Variants in PTGES3L observed in about 807,000 individuals in gnomAD.
PTGES3L encodes the protein putative protein PTGES3L.
In PTGES3L, 17 loss-of-function variants were observed where a neutral mutation model predicts 25.0. The ratio of observed to expected loss-of-function variants is 0.68; its 90% confidence interval spans 0.47 to 1.02. The LOEUF (loss-of-function observed/expected upper bound fraction) is 1.02, where lower values mean the gene tolerates loss of function less well. PTGES3L is among the 50% of genes least tolerant of loss of function. The pLI is 0.00. For missense variants in PTGES3L, 202 were observed against 197.5 expected (o/e 1.02, Z -0.14); for synonymous variants, 59 against 65.7 (o/e 0.90, Z 0.50).
In PTGES3L at chr17:42,979,464, G is replaced by C; in HGVS notation, c.123-20C>G. Reference sequence around the variant, plus strand: ...TTGCAGCTGAGGAGACAATGAAGCTGAGGAGATGCGGAATACTCCGTGTGG... The same window carrying C: ...TTGCAGCTGAGGAGACAATGAAGCTCAGGAGATGCGGAATACTCCGTGTGG... On this transcript the variant is annotated intron_variant, in intron 2 of 6. Coordinates refer to ENST00000591916, the MANE Select transcript of PTGES3L (RefSeq NM_001261430.2). The C allele has an allele frequency of 1.2e-6, 2 of 1,614,174 alleles. No individual in the cohort carries two copies. The highest frequency in any genetic ancestry group is 8.5e-7 in the Non-Finnish European group (1 of 1,180,028).
chr17:42,970,674 G>A (rs1252724438), intron 5 of PTGES3L, among the ~76,000 whole-genome samples: 5 of 105,606 alleles, frequency 4.7e-5, no homozygotes, highest in African/African-American at 1.6e-4. Context: ...GGCTTAACAC[G>A]CGCACACACA....
At chr17:42,977,966 T>C (rs1414911362) in intron 4 of PTGES3L, among the ~76,000 whole-genome samples, 1 of 151,448 alleles carries the variant, frequency 6.6e-6, no homozygotes, top group Non-Finnish European at 1.5e-5. Flanking sequence ...TAATCACAGC[T>C]ACTCGGGAGA....
intron 6 of PTGES3L, among the ~76,000 whole-genome samples, 169 bp downstream of exon 6, chr17:42,970,120 C>T (rs757808261): frequency 4.6e-5 from 7 of 152,040 alleles, no homozygotes; most frequent in Non-Finnish European, 8.8e-5. Context: ...GAGTGAAACT[C>T]CTCCCCCACC....
chr17:42,969,180 A>G lies in PTGES3L; in HGVS notation c.439T>C (p.Ser147Pro). 1 of 1,214,534 alleles carries G rather than the reference A, an allele frequency of 8.2e-7. No individual in the cohort carries two copies. Among genetic ancestry groups the G allele is most frequent in the East Asian group, 3.2e-5 (1 of 31,044 alleles). 75.2% of individuals were successfully genotyped at this position (1,214,534 alleles called of 1,614,324 possible). ...CTTGTTGCATCATCAGCACTGTCAG[A>G]ATCATCCTGGGGGCGGGGGGGAAAA... is the stretch of plus-strand genomic sequence containing the variant. ...PPAMDDLDDD[S>P]DSADDATSN The change falls in exon 7 of 7, where the codon TCT (serine) becomes CCT (proline). Residue 147 changes from serine to proline, a missense_variant. Transcript: ENST00000591916.
At chr17:42,978,726 C>T (rs756842390) in intron 4 of PTGES3L, among the ~76,000 whole-genome samples, 32 of 152,048 alleles carry the variant, frequency 2.1e-4, no homozygotes, top group Non-Finnish European at 3.5e-4. Context: ...ATAAGCCAGG[C>T]GCGGTGGCTC....
At chr17:42,978,130 G>A in intron 4 of PTGES3L, among the ~76,000 whole-genome samples, 1 of 148,000 alleles carries the variant, frequency 6.8e-6, no homozygotes, top group East Asian at 2.0e-4. Context: ...GAAATGGCTG[G>A]GCACATTGGC....
chr17:42,979,178 C>A lies in PTGES3L; in HGVS notation c.280G>T (p.Asp94Tyr), dbSNP rs373872399. 6.2e-7 allele frequency: 1 copy of A among 1,614,122 alleles called. No homozygotes were observed. Among genetic ancestry groups the A allele is most frequent in the Non-Finnish European group, 8.5e-7 (1 of 1,180,018 alleles). Residue 94 changes from aspartate to tyrosine, a missense_variant, in exon 4 of 7, where the codon GAT (aspartate) becomes TAT (tyrosine). Asp to Tyr is a radical substitution (Grantham distance 160). Transcript: ENST00000591916. Reference protein sequence around the residue: ...KVAWPRLTKEDIKPVWLSVDF... With the variant: ...KVAWPRLTKEYIKPVWLSVDF... ...ACTTTCCACACACCCACCTTGATAT[C>A]CTCCTTGGTAAGCCGCGGCCAGGCC...
rs747833167 is a variant in PTGES3L at position 42,969,188 on chromosome 17, T to TGGGG, written c.433-6_433-3dup. 2.0e-5 allele frequency: 20 copies of TGGGG among 1,011,952 alleles called. No individual in the cohort carries two copies. The African/African-American group carries it at 6.2e-4, about 31-fold the overall frequency. 62.7% of individuals were successfully genotyped at this position (1,011,952 alleles called of 1,614,324 possible). On this transcript the variant is annotated splice_polypyrimidine_tract_variant and splice_region_variant and intron_variant, in intron 6 of 6. Coordinates refer to ENST00000591916, the MANE Select transcript of PTGES3L (RefSeq NM_001261430.2). ...ATCATCAGCACTGTCAGAATCATCC[T>TGGGG]GGGGGCGGGGGGGAAAAAAGACAAA...
intron 4 of PTGES3L, among the ~76,000 whole-genome samples, chr17:42,976,525 T>C (rs894538566): frequency 1.3e-5 from 2 of 151,834 alleles, no homozygotes; most frequent in South Asian, 2.1e-4. Flanking sequence ...ACTACAGACA[T>C]GCGCCACCAC....
chr17:42,976,660 G>A (rs542581997), intron 4 of PTGES3L, among the ~76,000 whole-genome samples: 4 of 152,208 alleles, frequency 2.6e-5, no homozygotes, highest in South Asian at 2.1e-4. Flanking sequence ...GATTACAGGC[G>A]TGAGCCACCA....
At chr17:42,978,207 G>C (rs143098451) in intron 4 of PTGES3L, among the ~76,000 whole-genome samples, 1 of 150,764 alleles carries the variant, frequency 6.6e-6, no homozygotes, top group African/African-American at 2.4e-5. Flanking sequence ...AGGAATTCAA[G>C]ACCAGCCTGA....
At chr17:42,974,823 A>C (rs1403869522) in intron 4 of PTGES3L, among the ~76,000 whole-genome samples, 1 of 151,594 alleles carries the variant, frequency 6.6e-6, no homozygotes, top group African/African-American at 2.4e-5. Context: ...ACAGACTCTC[A>C]GCTTGGCACT....
In PTGES3L at chr17:42,973,056, G is replaced by A. The variant is rs1277248244; in HGVS notation, c.289-1360C>T. ...AGGAGCGTCTCTGCCCGGCCGCCCC[G>A]TCTGAGAAGTGAGGAGACCCTCTGC... is the stretch of plus-strand genomic sequence containing the variant. On this transcript the variant is annotated intron_variant, in intron 4 of 6. Coordinates refer to ENST00000591916, the MANE Select transcript of PTGES3L (RefSeq NM_001261430.2). 9.9e-5 allele frequency among the ~76,000 whole-genome samples: 13 copies of A among 131,172 alleles called. No individual in the cohort carries two copies. The East Asian group carries it at 2.0e-3, about 20-fold the overall frequency. The allele number at this position is 131,172 out of a possible 152,430, so 86.1% of individuals were successfully genotyped here. A position where few individuals can be genotyped will look rare whatever the true frequency, so the allele number is the denominator to read the frequency against.
In PTGES3L at chr17:42,971,622, C is replaced by A; in HGVS notation, c.363G>T (p.Val121=). 6.2e-7 allele frequency: 1 copy of A among 1,614,032 alleles called. No homozygotes were observed. Among genetic ancestry groups the A allele is most frequent in the Non-Finnish European group, 8.5e-7 (1 of 1,180,002 alleles). The part of the protein sequence containing the change: ...EGDEEMELAH[V]EHYAELLKKV... The stretch of plus-strand genomic sequence containing the variant: ...TGTCTCTCACCTCTGCATAATGTTC[C>A]ACATGAGCCAGCTCCATCTCTTCAT... Residue 121 remains valine (V), a synonymous_variant, in exon 5 of 7, where the codon GTG becomes GTT. Transcript: ENST00000591916.
intron 4 of PTGES3L, among the ~76,000 whole-genome samples, chr17:42,977,849 C>G (rs551613652): frequency 1.1e-4 from 16 of 151,994 alleles, no homozygotes; most frequent in African/African-American, 3.9e-4. Context: ...GAGGCCGATG[C>G]AGGTGGATCA....
rs1388599540 is a variant in PTGES3L at position 42,977,592 on chromosome 17, G to A, written c.288+1578C>T. On this transcript the variant is annotated intron_variant, in intron 4 of 6. Transcript: ENST00000591916. ...GCACTCCAGCCTGGGCAACAAGAGA[G>A]AAACTCTGTCTCAAAAAAAAAAAAA... Among the ~76,000 whole-genome samples the A allele has an allele frequency of 3.6e-3, 418 of 117,608 alleles. 1 individual carries two copies. The highest frequency in any genetic ancestry group is 0.013 in the African/African-American group (396 of 31,254). 77.2% of individuals were successfully genotyped at this position (117,608 alleles called of 152,430 possible). A position where few individuals can be genotyped will look rare whatever the true frequency, so the allele number is the denominator to read the frequency against.
intron 6 of PTGES3L, 86 bp from the exon 7 acceptor site, chr17:42,969,272 C>T: frequency 1.3e-6 from 1 of 791,664 alleles, no homozygotes; most frequent in Non-Finnish European, 2.0e-6. Flanking sequence ...CTTCCTCTCT[C>T]CTGTTCTCCA....
At chr17:42,973,047 G>A (rs1167701756) in intron 4 of PTGES3L, among the ~76,000 whole-genome samples, 1 of 139,156 alleles carries the variant, frequency 7.2e-6, no homozygotes, top group Non-Finnish European at 1.6e-5. Flanking sequence ...GTCTCTGCCC[G>A]GCCGCCCCGT....
chr17:42,970,258 A>T, intron 6 of PTGES3L, 31 bp downstream of exon 6: 1 of 1,613,584 alleles, frequency 6.2e-7, no homozygotes, highest in Non-Finnish European at 8.5e-7. Context: ...CTACAAAGAA[A>T]CTGAAGGGTT....
Sources: allele counts gnomAD v4.1 joint callset (sites outside exome capture counted in the v4.1 genomes callset), GRCh38; gene constraint gnomAD v4.1.1; transcripts MANE v1.5; gene names NCBI Gene and HGNC (gene_info 2026-07-23, HGNC 2026-07-21).